The following DOCK2 variants were observed in gnomAD, a reference collection of about 807,000 sequenced individuals.
DOCK2 encodes the protein dedicator of cytokinesis protein 2.
Under a neutral mutation model 248.9 loss-of-function variants are expected in DOCK2, and 87 were observed. That is an observed-to-expected ratio of 0.35 (90% CI 0.29 to 0.42). DOCK2 has a LOEUF of 0.42. Ranked by LOEUF, DOCK2 falls within the 10% of genes least tolerant of loss-of-function variation. The pLI, the probability that DOCK2 is intolerant of heterozygous loss-of-function variation, is 1.00. For synonymous variants in DOCK2, 805 were observed against 821.6 expected (o/e 0.98, Z 0.35); for missense variants, 1,747 against 2,300.2 (o/e 0.76, Z 4.92).
intron 29 of DOCK2, among the ~76,000 whole-genome samples, chr5:169,989,649 A>C (rs1431139517): frequency 1.3e-5 from 2 of 152,198 alleles, no homozygotes; most frequent in Non-Finnish European, 2.9e-5. Flanking sequence ...AGAACAGGGC[A>C]GTTAGGACTT....
chr5:169,856,659 C>T (rs1378058120), intron 27 of DOCK2, among the ~76,000 whole-genome samples: 1 of 152,202 alleles, frequency 6.6e-6, no homozygotes, highest in Non-Finnish European at 1.5e-5. Context: ...AGTAACTTCT[C>T]ATCACCTCCA....
At chr5:170,066,620 C>G (rs1263443875) in intron 44 of DOCK2, among the ~76,000 whole-genome samples, 2 of 152,230 alleles carry the variant, frequency 1.3e-5, no homozygotes, top group Non-Finnish European at 2.9e-5. Context: ...ACATGGAACA[C>G]TCTTCAGTAT....
chr5:169,805,541 G>C (rs1767306978), intron 26 of DOCK2, among the ~76,000 whole-genome samples: 1 of 152,222 alleles, frequency 6.6e-6, no homozygotes, highest in South Asian at 2.1e-4. Flanking sequence ...CCAGTTTGGG[G>C]GATCCAGTTA....
At chr5:169,800,873 T>TTCTG (rs1045148924) in intron 25 of DOCK2, among the ~76,000 whole-genome samples, 44 of 152,154 alleles carry the variant, frequency 2.9e-4, no homozygotes, top group Non-Finnish European at 4.0e-4. Context: ...CTTGGGGCAC[T>TTCTG]TCTGGGATGA....
chr5:170,070,937 T>G (rs1757658985), intron 46 of DOCK2, among the ~76,000 whole-genome samples: 2 of 152,180 alleles, frequency 1.3e-5, no homozygotes, highest in Admixed American at 1.3e-4. Flanking sequence ...ATGTACTCTA[T>G]TAGATGTGGC....
At chr5:170,024,787 C>G (rs1025661937) in intron 33 of DOCK2, among the ~76,000 whole-genome samples, 2 of 152,206 alleles carry the variant, frequency 1.3e-5, no homozygotes, top group Non-Finnish European at 2.9e-5. Context: ...GAGCACAGTA[C>G]TGACCCTGGG....
At chr5:169,651,767 G>A (rs916777176) in intron 1 of DOCK2, among the ~76,000 whole-genome samples, 2 of 152,196 alleles carry the variant, frequency 1.3e-5, no homozygotes, top group African/African-American at 4.8e-5. Flanking sequence ...AGGGAATGAA[G>A]AAACAGGCTG....
At chr5:170,034,989 T>C (rs1214197235) in intron 35 of DOCK2, among the ~76,000 whole-genome samples, 2 of 152,352 alleles carry the variant, frequency 1.3e-5, no homozygotes, top group East Asian at 3.9e-4. Context: ...CATTAGGTTG[T>C]GTTGCCCTGG....
intron 27 of DOCK2, among the ~76,000 whole-genome samples, chr5:169,936,327 G>A (rs1195656291): frequency 6.6e-6 from 1 of 152,062 alleles, no homozygotes; most frequent in Non-Finnish European, 1.5e-5. Context: ...GGGTTCCTAG[G>A]GCAAAACATT....
intron 9 of DOCK2, among the ~76,000 whole-genome samples, chr5:169,693,884 C>A (rs186085787): frequency 1.3e-5 from 2 of 152,294 alleles, no homozygotes; most frequent in East Asian, 3.9e-4. Context: ...GCTCTTAAGA[C>A]CTTCAGCTGG....
intron 27 of DOCK2, among the ~76,000 whole-genome samples, chr5:169,967,136 G>A (rs776817569): frequency 3.3e-5 from 5 of 152,200 alleles, no homozygotes; most frequent in African/African-American, 7.2e-5. Flanking sequence ...TGGTCCAGAG[G>A]TGGACAGAGA....
chr5:169,900,703 T>G (rs137898191), intron 27 of DOCK2, among the ~76,000 whole-genome samples: 30 of 152,320 alleles, frequency 2.0e-4, no homozygotes, highest in Non-Finnish European at 3.7e-4. Flanking sequence ...AAGCTAATTA[T>G]GACTTAATGT....
intron 22 of DOCK2, among the ~76,000 whole-genome samples, chr5:169,734,769 A>T (rs904220757): frequency 2.0e-5 from 3 of 152,176 alleles, no homozygotes; most frequent in African/African-American, 7.2e-5. Context: ...CTCTATTTTG[A>T]AGAAGATGCA....
intron 36 of DOCK2, among the ~76,000 whole-genome samples, chr5:170,040,210 C>G (rs1756467589): frequency 6.6e-6 from 1 of 152,228 alleles, no homozygotes; most frequent in Non-Finnish European, 1.5e-5. Context: ...TGCCATTTTA[C>G]AGATGAGCAA....
At position 170,027,856 on chromosome 5, in the gene DOCK2, T is replaced by A; in HGVS notation, c.3382-7T>A. On this transcript the variant is annotated splice_polypyrimidine_tract_variant and splice_region_variant and intron_variant, in intron 33 of 51. Coordinates refer to ENST00000520908, the MANE Select transcript of DOCK2 (RefSeq NM_004946.3). ...TTATTGTTGATTTTTGTCTCCTACA[T>A]CTTCAGTTTGAAAACGAAATCATCC... 1 of 1,611,286 alleles carries A rather than the reference T, an allele frequency of 6.2e-7. No homozygotes were observed. The highest frequency in any genetic ancestry group is 8.5e-7 in the Non-Finnish European group (1 of 1,178,762).
chr5:169,737,988 T>TG (rs1763126072), intron 22 of DOCK2, among the ~76,000 whole-genome samples: 1 of 152,108 alleles, frequency 6.6e-6, no homozygotes, highest in Non-Finnish European at 1.5e-5. Flanking sequence ...GCATTGGAAA[T>TG]GGGGGGCAGT....
At chr5:169,823,571 C>A (rs1435790431) in intron 26 of DOCK2, among the ~76,000 whole-genome samples, 1 of 152,162 alleles carries the variant, frequency 6.6e-6, no homozygotes, top group Non-Finnish European at 1.5e-5. Context: ...AATTCAGCAG[C>A]CCTTCCTGCT....
At chr5:169,758,538 T>C (rs1326141112) in intron 23 of DOCK2, among the ~76,000 whole-genome samples, 4 of 152,220 alleles carry the variant, frequency 2.6e-5, no homozygotes, top group African/African-American at 9.6e-5. Context: ...AGAGGGTTGC[T>C]ATTTGAGTAA....
At position 170,030,730 on chromosome 5, in the gene DOCK2, G is replaced by A. The variant is rs559517886; in HGVS notation, c.3467+2782G>A. On this transcript the variant is annotated intron_variant, in intron 34 of 51. Coordinates refer to ENST00000520908, the MANE Select transcript of DOCK2 (RefSeq NM_004946.3). Reference sequence around the variant, plus strand: ...GTATTACTTACAGGTGGATAGCATTGCGGGTTTTTGAAGCCATGAGCCTGC... The same window carrying A: ...GTATTACTTACAGGTGGATAGCATTACGGGTTTTTGAAGCCATGAGCCTGC... Among the ~76,000 whole-genome samples the A allele has an allele frequency of 2.6e-5, 4 of 152,320 alleles. No homozygotes were observed. In the East Asian group the frequency reaches 7.7e-4, roughly 29 times the overall value.
Sources: allele counts gnomAD v4.1 joint callset (sites outside exome capture counted in the v4.1 genomes callset), GRCh38; gene constraint gnomAD v4.1.1; transcripts MANE v1.5; gene names NCBI Gene and HGNC (gene_info 2026-07-23, HGNC 2026-07-21).